The following ENTREP2 variants were observed in gnomAD, a reference collection of about 807,000 sequenced individuals.
ENTREP2 encodes the protein protein ENTREP2.
At chr15:29,435,312 C>A in the ENTREP2 span, among the ~76,000 whole-genome samples, 1 of 152,074 alleles carries the variant, frequency 6.6e-6, no homozygotes, top group Non-Finnish European at 1.5e-5. Context: ...TGCAAACCCT[C>A]AAAGGGGAAG....
the ENTREP2 span, among the ~76,000 whole-genome samples, chr15:29,363,042 C>T: frequency 6.6e-6 from 1 of 152,142 alleles, no homozygotes; most frequent in Non-Finnish European, 1.5e-5. Context: ...TTTATGAGCA[C>T]AGCAAAATTC....
the ENTREP2 span, among the ~76,000 whole-genome samples, chr15:29,425,199 GT>G: frequency 9.0e-5 from 12 of 133,166 alleles, no homozygotes; most frequent in African/African-American, 1.1e-4. Context: ...CAGGTTTTTT[GT>G]TTTTTTTTTT....
At chr15:29,123,169 AG>A in the ENTREP2 span, 12 of 621,864 alleles carry the variant, frequency 1.9e-5, no homozygotes, top group Middle Eastern at 3.3e-4. Flanking sequence ...CCCTCGAGAG[AG>A]GGGGTAACAG....
At chr15:29,459,119 C>G in the ENTREP2 span, among the ~76,000 whole-genome samples, 1 of 152,152 alleles carries the variant, frequency 6.6e-6, no homozygotes, top group Admixed American at 6.5e-5. Context: ...AACAGGGGTC[C>G]CAAGAAGCTA....
At chr15:29,285,540 A>G in the ENTREP2 span, among the ~76,000 whole-genome samples, 1 of 152,246 alleles carries the variant, frequency 6.6e-6, no homozygotes, top group Admixed American at 6.5e-5. Flanking sequence ...CAAAGTTTGA[A>G]TAATTCTAGG....
At chr15:29,354,778 A>C in the ENTREP2 span, among the ~76,000 whole-genome samples, 1 of 152,332 alleles carries the variant, frequency 6.6e-6, no homozygotes, top group East Asian at 1.9e-4. Context: ...GGACCAGTTA[A>C]AACTCTGCAC....
At chr15:29,452,415 A>C in the ENTREP2 span, among the ~76,000 whole-genome samples, 1 of 152,230 alleles carries the variant, frequency 6.6e-6, no homozygotes. Flanking sequence ...ACCAGGAAGG[A>C]GGCCTCATGC....
the ENTREP2 span, chr15:29,126,541 G>T: frequency 6.7e-7 from 1 of 1,501,818 alleles, no homozygotes; most frequent in Non-Finnish European, 9.0e-7. Context: ...AGGGGACGCT[G>T]GCGTGGGACA....
the ENTREP2 span, among the ~76,000 whole-genome samples, chr15:29,478,024 T>TTTTATATATATATATATATA: frequency 1.7e-5 from 2 of 120,090 alleles, no homozygotes; most frequent in African/African-American, 7.4e-5. Context: ...TATATATTTT[T>TTTTATATATATATATATATA]TTTTTTTTTT....
the ENTREP2 span, among the ~76,000 whole-genome samples, chr15:29,147,270 T>C: frequency 6.6e-6 from 1 of 152,166 alleles, no homozygotes; most frequent in African/African-American, 2.4e-5. Context: ...AATATACAAA[T>C]AGCCACAAGT....
At chr15:29,571,927 A>G in the ENTREP2 span, among the ~76,000 whole-genome samples, 1 of 152,152 alleles carries the variant, frequency 6.6e-6, no homozygotes, top group Admixed American at 6.5e-5. Context: ...TCAGAGTAAT[A>G]AAGGGAAACG....
At chr15:29,177,209 G>A in the ENTREP2 span, among the ~76,000 whole-genome samples, 7 of 152,154 alleles carry the variant, frequency 4.6e-5, no homozygotes, top group Admixed American at 2.0e-4. Flanking sequence ...GGAGTGATCC[G>A]AGGGGTCCCG....
At chr15:29,598,172 C>A in the ENTREP2 span, among the ~76,000 whole-genome samples, 19 of 152,090 alleles carry the variant, frequency 1.2e-4, no homozygotes, top group Non-Finnish European at 2.5e-4. Context: ...AGCGCAAATT[C>A]TCTTCCAAAG....
the ENTREP2 span, among the ~76,000 whole-genome samples, chr15:29,430,290 G>A: frequency 4.6e-5 from 7 of 152,098 alleles, no homozygotes; most frequent in Admixed American, 2.0e-4. Context: ...CCACAGCACA[G>A]CCCTGGCCCC....
the ENTREP2 span, among the ~76,000 whole-genome samples, chr15:29,353,130 C>T: frequency 2.0e-5 from 3 of 150,678 alleles, no homozygotes; most frequent in East Asian, 5.8e-4. Flanking sequence ...AAAGGTAACA[C>T]ACAGCGGCAT....
At chr15:29,205,691 G>A in the ENTREP2 span, among the ~76,000 whole-genome samples, 4 of 152,176 alleles carry the variant, frequency 2.6e-5, no homozygotes, top group East Asian at 7.7e-4. Flanking sequence ...TTGAGCTGTA[G>A]GAGTTCTTTA....
chr15:29,227,001 C>T, the ENTREP2 span, among the ~76,000 whole-genome samples: 3 of 152,322 alleles, frequency 2.0e-5, no homozygotes, highest in South Asian at 2.1e-4. Flanking sequence ...GAGAGAGCAG[C>T]GTCTGCTGTG....
At chr15:29,192,598 C>T in the ENTREP2 span, among the ~76,000 whole-genome samples, 53 of 152,242 alleles carry the variant, frequency 3.5e-4, no homozygotes, top group African/African-American at 1.2e-3. Context: ...GATACCAGCT[C>T]TAGTGGAAAA....
the ENTREP2 span, among the ~76,000 whole-genome samples, chr15:29,543,252 G>A: frequency 2.0e-5 from 3 of 152,248 alleles, no homozygotes; most frequent in Middle Eastern, 3.4e-3. Flanking sequence ...GGACTCCTAT[G>A]GTGCCAGTGA....
Sources: allele counts gnomAD v4.1 joint callset (sites outside exome capture counted in the v4.1 genomes callset), GRCh38; gene constraint gnomAD v4.1.1; transcripts MANE v1.5; gene names NCBI Gene and HGNC (gene_info 2026-07-23, HGNC 2026-07-21).